LRRIQ3: variants seen among roughly 807,000 people sequenced by gnomAD.
LRRIQ3 encodes the protein leucine-rich repeat and IQ domain-containing protein 3.
In LRRIQ3, 75 loss-of-function variants were observed where a neutral mutation model predicts 59.3. The ratio of observed to expected loss-of-function variants is 1.26; its 90% CI spans 1.05 to 1.53. The LOEUF (loss-of-function observed/expected upper bound fraction) is 1.53. Ranked by LOEUF, LRRIQ3 falls within the 40% of genes most tolerant of loss-of-function variation. The probability of loss-of-function intolerance (pLI) is 0.00; values close to 1 mark genes in which losing one functional copy is unlikely to be tolerated. For missense variants in LRRIQ3, 831 were observed against 710.0 expected (o/e 1.17, Z -1.94); for synonymous variants, 250 against 231.3 (o/e 1.08, Z -0.73).
intron 4 of LRRIQ3, among the ~76,000 whole-genome samples, chr1:74,113,957 CTCTA>C (rs754322305): frequency 1.8e-4 from 28 of 151,492 alleles, no homozygotes; most frequent in Non-Finnish European, 3.5e-4. Flanking sequence ...CTCTCTCTTT[CTCTA>C]TCTCTCTCTC....
At chr1:74,164,889 C>T (rs1285092038) in intron 3 of LRRIQ3, among the ~76,000 whole-genome samples, 2 of 151,410 alleles carry the variant, frequency 1.3e-5, no homozygotes, top group East Asian at 3.9e-4. Flanking sequence ...CTATGGATAC[C>T]CAATTGCTCC....
chr1:74,180,552 CT>C, intron 3 of LRRIQ3: 5 of 576,398 alleles, frequency 8.7e-6, no homozygotes, highest in Non-Finnish European at 1.4e-5. Context: ...TAAATAAGTT[CT>C]TTTCTGTCCC....
chr1:74,170,523 T>C (rs954721563), intron 3 of LRRIQ3, among the ~76,000 whole-genome samples: 18 of 152,292 alleles, frequency 1.2e-4, no homozygotes, highest in African/African-American at 4.3e-4. Context: ...TATTGTTCTA[T>C]ATGTCTACTT....
chr1:74,128,403 T>G (rs1370273543), intron 4 of LRRIQ3, among the ~76,000 whole-genome samples: 1 of 152,128 alleles, frequency 6.6e-6, no homozygotes, highest in Non-Finnish European at 1.5e-5. Flanking sequence ...CTTCAGTATC[T>G]CAATTGCATT....
intron 6 of LRRIQ3, among the ~76,000 whole-genome samples, chr1:74,060,774 C>A (rs759135644): frequency 2.0e-5 from 3 of 151,938 alleles, no homozygotes; most frequent in Non-Finnish European, 4.4e-5. Context: ...TCAGGAAGAC[C>A]GGTGCACTCC....
intron 3 of LRRIQ3, among the ~76,000 whole-genome samples, chr1:74,173,093 A>T (rs1425446157): frequency 6.6e-6 from 1 of 151,996 alleles, no homozygotes; most frequent in Non-Finnish European, 1.5e-5. Flanking sequence ...CGAGGTCAAG[A>T]GATTGAGACC....
rs149903814 is a variant in LRRIQ3 at position 74,123,677 on chromosome 1, A to T, written c.708-14124T>A. On this transcript the variant is annotated intron_variant, in intron 4 of 7. Transcript: ENST00000354431. The stretch of plus-strand genomic sequence containing the variant: ...GAATAGTATTTCATTGTGTATATGT[A>T]CCACATTTTCTTTATTCATTCATTC... Among the ~76,000 whole-genome samples the T allele has an allele frequency of 4.6e-3, 697 of 152,150 alleles. 27 individuals are homozygous for T. Among genetic ancestry groups the T allele is most frequent in the East Asian group, 0.039 (204 of 5,172 alleles).
intron 3 of LRRIQ3, among the ~76,000 whole-genome samples, chr1:74,157,608 G>T (rs1294485716): frequency 1.3e-5 from 2 of 151,150 alleles, no homozygotes; most frequent in Non-Finnish European, 2.9e-5. Context: ...TATCATCCAA[G>T]GGCACTTTTT....
Position 74,041,412 on chromosome 1 carries a change from C to A in LRRIQ3, c.1519G>T (p.Glu507Ter). Reference sequence around the variant, plus strand: ...CGCTCTGAAGCCTTTTGGGATTTTTCTTTTAGAAACAGAGCTTTTCTCTCT... The same window carrying A: ...CGCTCTGAAGCCTTTTGGGATTTTTATTTTAGAAACAGAGCTTTTCTCTCT... The part of the protein sequence containing the change: ...ARERKALFLK[E>*]KSQKASERLL... Residue 507 changes from glutamate (E) to a stop codon, truncating the protein, a stop_gained, in exon 7 of 8, where the codon GAA becomes TAA. Coordinates refer to ENST00000354431, the MANE Select transcript of LRRIQ3 (RefSeq NM_001105659.2). LOFTEE classifies it high-confidence loss of function. 2.5e-6 allele frequency: 4 copies of A among 1,613,712 alleles called. No individual in the cohort carries two copies. The highest frequency in any genetic ancestry group is 3.4e-6 in the Non-Finnish European group (4 of 1,179,856).
intron 4 of LRRIQ3, among the ~76,000 whole-genome samples, chr1:74,142,186 A>C (rs898469698): frequency 6.6e-6 from 1 of 151,864 alleles, no homozygotes; most frequent in East Asian, 1.9e-4. Flanking sequence ...GTTGCATCAT[A>C]TGGTAGTACT....
At chr1:74,143,608 A>C (rs1040883193) in intron 4 of LRRIQ3, among the ~76,000 whole-genome samples, 2 of 151,786 alleles carry the variant, frequency 1.3e-5, no homozygotes, top group Non-Finnish European at 2.9e-5. Flanking sequence ...AATATACCTA[A>C]CTTTTAAGGT....
chr1:74,159,356 T>C (rs1258104544), intron 3 of LRRIQ3, among the ~76,000 whole-genome samples: 2 of 152,166 alleles, frequency 1.3e-5, no homozygotes, highest in Non-Finnish European at 2.9e-5. Flanking sequence ...TCATCCTACA[T>C]ATCTGGACTA....
At chr1:74,118,340 T>C (rs1328171051) in intron 4 of LRRIQ3, among the ~76,000 whole-genome samples, 1 of 152,182 alleles carries the variant, frequency 6.6e-6, no homozygotes, top group African/African-American at 2.4e-5. Context: ...AATGTATTTT[T>C]TTTGTAACTT....
intron 3 of LRRIQ3, chr1:74,180,784 G>T: frequency 6.5e-7 from 1 of 1,549,782 alleles, no homozygotes; most frequent in Non-Finnish European, 8.7e-7. Context: ...TGTAAAATAA[G>T]ACTAACATTT....
chr1:74,122,425 G>A (rs890856427), intron 4 of LRRIQ3, among the ~76,000 whole-genome samples: 2 of 151,932 alleles, frequency 1.3e-5, no homozygotes, highest in African/African-American at 2.4e-5. Flanking sequence ...TTTTGATGGG[G>A]TTGTTTTTTT....
chr1:74,103,893 C>T (rs190061371), intron 5 of LRRIQ3, among the ~76,000 whole-genome samples: 2 of 151,804 alleles, frequency 1.3e-5, no homozygotes, highest in East Asian at 3.9e-4. Context: ...CTCACCGTGA[C>T]TTGCCAGCTC....
chr1:74,140,617 T>C (rs1647219058), intron 4 of LRRIQ3, among the ~76,000 whole-genome samples: 1 of 151,988 alleles, frequency 6.6e-6, no homozygotes, highest in Middle Eastern at 3.4e-3. Flanking sequence ...GAGGACACTT[T>C]TTTTAAGCAC....
chr1:74,033,438 A>T (rs1569997397), intron 7 of LRRIQ3, among the ~76,000 whole-genome samples: 1 of 152,102 alleles, frequency 6.6e-6, no homozygotes, highest in East Asian at 1.9e-4. Context: ...TATTTGGAGG[A>T]TATGTGTGGT....
chr1:74,114,568 C>G (rs1646751635), intron 4 of LRRIQ3, among the ~76,000 whole-genome samples: 1 of 151,798 alleles, frequency 6.6e-6, no homozygotes. Flanking sequence ...AACCCCATCT[C>G]TACTAAAAAT....
Sources: gnomAD v4.1 joint callset for allele counts (sites outside exome capture counted in the v4.1 genomes callset) on GRCh38, gnomAD v4.1.1 for gene constraint, MANE v1.5 for transcripts, NCBI Gene and HGNC (gene_info 2026-07-23, HGNC 2026-07-21) for gene names.